Variants in SNX29 observed in about 807,000 individuals in gnomAD.
The protein encoded by SNX29 is sorting nexin 29.
SNX29 carries 78 observed loss-of-function variants against 102.1 expected under a neutral mutation model. That is an observed-to-expected ratio of 0.76 (90% CI 0.64 to 0.92). The LOEUF (loss-of-function observed/expected upper bound fraction) is 0.92. Among genes scored for constraint, SNX29 ranks in the 40% least tolerant of loss-of-function variants. The pLI is 0.00. For missense variants in SNX29, 1,280 were observed against 1,061.7 expected, an observed-to-expected ratio of 1.21 and a Z score of -2.86; for synonymous variants, 580 against 414.5, an observed-to-expected ratio of 1.40 and a Z score of -4.85.
chr16:12,429,804 T>C (rs1317659958), intron 18 of SNX29, among the ~76,000 whole-genome samples: 2 of 152,194 alleles, frequency 1.3e-5, no homozygotes, highest in African/African-American at 4.8e-5. Flanking sequence ...CTGAATAGGT[T>C]TGTGGTTAGA....
chr16:12,219,620 TTCTC>T (rs1351363766), intron 14 of SNX29, among the ~76,000 whole-genome samples: 2 of 152,250 alleles, frequency 1.3e-5, no homozygotes, highest in Non-Finnish European at 2.9e-5. Context: ...ATTCTTCCCT[TTCTC>T]TCTTCCTTAT....
intron 17 of SNX29, among the ~76,000 whole-genome samples, chr16:12,401,702 C>T (rs575351036): frequency 2.0e-5 from 3 of 152,204 alleles, no homozygotes; most frequent in Admixed American, 6.5e-5. Context: ...GTCTCTCTCC[C>T]ATGTTAAAAC....
intron 15 of SNX29, among the ~76,000 whole-genome samples, chr16:12,286,559 A>T (rs1307692986): frequency 6.6e-6 from 1 of 151,690 alleles, no homozygotes; most frequent in African/African-American, 2.4e-5. Context: ...GTAAGCCAGG[A>T]TGGTCTCGAT....
intron 11 of SNX29, among the ~76,000 whole-genome samples, chr16:12,103,586 A>T (rs912728940): frequency 6.6e-6 from 1 of 152,240 alleles, no homozygotes; most frequent in Non-Finnish European, 1.5e-5. Flanking sequence ...AACCATAACA[A>T]TTCTGGAAGA....
At chr16:12,196,622 C>CCT (rs570887782) in intron 13 of SNX29, among the ~76,000 whole-genome samples, 1 of 129,668 alleles carries the variant, frequency 7.7e-6, no homozygotes, top group Non-Finnish European at 1.6e-5. Flanking sequence ...TTTCTTTTTT[C>CCT]TTTTTTTTTT....
chr16:12,495,928 C>A (rs1226810976), intron 19 of SNX29, among the ~76,000 whole-genome samples: 1 of 152,196 alleles, frequency 6.6e-6, no homozygotes, highest in Non-Finnish European at 1.5e-5. Flanking sequence ...TGTCAGGTGC[C>A]TGTAATCCCA....
At chr16:12,449,412 A>C (rs983690951) in intron 18 of SNX29, among the ~76,000 whole-genome samples, 9 of 151,968 alleles carry the variant, frequency 5.9e-5, no homozygotes, top group African/African-American at 1.9e-4. Context: ...GCTTGGAGTG[A>C]GCTGGTTTAG....
At chr16:12,015,724 AT>A (rs1419059586) in intron 3 of SNX29, among the ~76,000 whole-genome samples, 2 of 143,466 alleles carry the variant, frequency 1.4e-5, no homozygotes, top group African/African-American at 2.6e-5. Flanking sequence ...TTTAGTAGAG[AT>A]AGGGTTTCAC....
At chr16:12,409,991 T>C (rs2084330921) in intron 18 of SNX29, among the ~76,000 whole-genome samples, 1 of 151,936 alleles carries the variant, frequency 6.6e-6, no homozygotes, top group Non-Finnish European at 1.5e-5. Flanking sequence ...TTTTTTGTTG[T>C]TGTTTTGTTT....
intron 19 of SNX29, among the ~76,000 whole-genome samples, chr16:12,513,663 A>C (rs1194248109): frequency 6.6e-6 from 1 of 152,170 alleles, no homozygotes; most frequent in Non-Finnish European, 1.5e-5. Context: ...CTTCCTCATG[A>C]ATATTTGGGG....
chr16:12,061,449 G>A (rs566032333), intron 8 of SNX29, 79 bp from the exon 9 acceptor site: 3 of 1,188,386 alleles, frequency 2.5e-6, no homozygotes, highest in African/African-American at 1.5e-5. Context: ...TCTCAGGAGG[G>A]TGCTGTGGAT....
chr16:12,538,988 G>T (rs536417278), intron 20 of SNX29, among the ~76,000 whole-genome samples: 3 of 152,308 alleles, frequency 2.0e-5, no homozygotes, highest in African/African-American at 7.2e-5. Context: ...GGAGAAGATA[G>T]AACAGACCAG....
intron 18 of SNX29, among the ~76,000 whole-genome samples, chr16:12,447,042 C>A (rs946824679): frequency 6.6e-6 from 1 of 151,678 alleles, no homozygotes; most frequent in Admixed American, 6.6e-5. Flanking sequence ...TGGCACGCAT[C>A]TGTAGTCCCA....
At chr16:12,045,409 G>C (rs145879212) in intron 5 of SNX29, among the ~76,000 whole-genome samples, 1 of 56,300 alleles carries the variant, frequency 1.8e-5, no homozygotes, top group Non-Finnish European at 5.1e-5. Flanking sequence ...GGAAGACAGA[G>C]AGAGCTTGCA....
chr16:12,020,358 A>T (rs1326173914), intron 3 of SNX29, among the ~76,000 whole-genome samples: 7 of 151,956 alleles, frequency 4.6e-5, no homozygotes, highest in Non-Finnish European at 7.4e-5. Flanking sequence ...CTTTAAAAAA[A>T]TTATTTATTT....
At chr16:12,562,609 C>T (rs138877890) in intron 20 of SNX29, among the ~76,000 whole-genome samples, 14 of 152,288 alleles carry the variant, frequency 9.2e-5, no homozygotes, top group Non-Finnish European at 1.5e-4. Flanking sequence ...GTCGCTGGCT[C>T]TTGAGAGCTA....
chr16:12,537,124 G>T (rs890963314), intron 20 of SNX29, among the ~76,000 whole-genome samples: 3 of 152,178 alleles, frequency 2.0e-5, no homozygotes, highest in African/African-American at 7.2e-5. Flanking sequence ...CCAGCTGTTG[G>T]TGAAATGGAT....
intron 11 of SNX29, among the ~76,000 whole-genome samples, chr16:12,106,726 C>A (rs1260676665): frequency 6.6e-6 from 1 of 151,820 alleles, no homozygotes; most frequent in African/African-American, 2.4e-5. Flanking sequence ...AGCGATTCTC[C>A]TGCCTTGGCC....
chr16:12,505,762 G>A (rs1353092371), intron 19 of SNX29, among the ~76,000 whole-genome samples: 3 of 6,578 alleles, frequency 4.6e-4, no homozygotes, highest in Non-Finnish European at 9.6e-4. Context: ...TGTCAATTCT[G>A]CAAAAAAAAA....
Sources: gnomAD v4.1 joint callset for allele counts (sites outside exome capture counted in the v4.1 genomes callset) on GRCh38, gnomAD v4.1.1 for gene constraint, MANE v1.5 for transcripts, NCBI Gene and HGNC (gene_info 2026-07-23, HGNC 2026-07-21) for gene names.